SEL1L: variants seen among roughly 807,000 people sequenced by gnomAD.
SEL1L encodes protein sel-1 homolog 1.
A neutral mutation model predicts 109.8 loss-of-function variants in SEL1L; 52 were observed. The ratio of observed to expected loss-of-function variants is 0.47; its 90% confidence interval spans 0.38 to 0.60. The LOEUF is 0.60. Ranked by LOEUF, SEL1L falls within the 20% of genes least tolerant of loss-of-function variation. The pLI is 0.00. For synonymous variants in SEL1L, 373 were observed against 339.6 expected (o/e 1.10, Z -1.08); for missense variants, 749 against 962.2 (o/e 0.78, Z 2.93).
intron 3 of SEL1L, among the ~76,000 whole-genome samples, chr14:81,518,508 A>G (rs1884788242): frequency 6.6e-6 from 1 of 151,430 alleles, no homozygotes; most frequent in Admixed American, 6.6e-5. Context: ...AAAAATATAA[A>G]AATTAGCTGG....
intron 3 of SEL1L, among the ~76,000 whole-genome samples, chr14:81,506,703 G>A (rs777238068): frequency 1.3e-5 from 2 of 152,022 alleles, no homozygotes; most frequent in East Asian, 1.9e-4. Context: ...GCAATCCTGT[G>A]GCATTTTATT....
At chr14:81,515,248 T>C (rs1884654477) in intron 3 of SEL1L, among the ~76,000 whole-genome samples, 1 of 152,190 alleles carries the variant, frequency 6.6e-6, no homozygotes, top group Non-Finnish European at 1.5e-5. Context: ...CTCTCTGATT[T>C]AAAGCAGATC....
intron 5 of SEL1L, 120 bp downstream of exon 5, chr14:81,504,081 T>C (rs980817213): frequency 5.7e-6 from 3 of 524,206 alleles, no homozygotes; most frequent in Admixed American, 3.9e-5. Flanking sequence ...CATTTTTTTG[T>C]AATGGAACTT....
At chr14:81,489,585 C>A (rs187491288) in intron 13 of SEL1L, among the ~76,000 whole-genome samples, 24 of 152,140 alleles carry the variant, frequency 1.6e-4, no homozygotes, top group Non-Finnish European at 2.9e-4. Flanking sequence ...CCATCTGTAC[C>A]ATGAATTTAT....
intron 1 of SEL1L, among the ~76,000 whole-genome samples, chr14:81,530,259 A>C (rs1318161262): frequency 6.6e-6 from 1 of 152,228 alleles, no homozygotes; most frequent in Non-Finnish European, 1.5e-5. Flanking sequence ...TACAGATCCT[A>C]AGATACTCTC....
At chr14:81,491,908 TAGCAAAAAACCGC>T (rs1883551169) in intron 12 of SEL1L, among the ~76,000 whole-genome samples, 1 of 151,862 alleles carries the variant, frequency 6.6e-6, no homozygotes, top group Non-Finnish European at 1.5e-5. Context: ...GTGAGAGTCT[TAGCAAAAAACCGC>T]ACAGCATCAA....
In SEL1L at chr14:81,489,181, A is replaced by T. The variant is rs2139996730; in HGVS notation, c.1395+71T>A. Reference sequence around the variant, plus strand: ...GCCCCACCTGGGCTGACTGGAAGCTAATTAAGGAACATGTCCCTACCTCTC... The same window carrying T: ...GCCCCACCTGGGCTGACTGGAAGCTTATTAAGGAACATGTCCCTACCTCTC... On this transcript the variant is annotated intron_variant, in intron 14 of 20. Coordinates refer to ENST00000336735, the MANE Select transcript of SEL1L (RefSeq NM_005065.6). 3 of 1,351,390 alleles carry T rather than the reference A, an allele frequency of 2.2e-6. No homozygotes were observed. In the East Asian group the frequency reaches 6.9e-5, roughly 31 times the overall value. 83.7% of individuals were successfully genotyped at this position (1,351,390 alleles called of 1,614,324 possible). A position where few individuals can be genotyped will look rare whatever the true frequency, so the allele number is the denominator to read the frequency against.
chr14:81,527,607 CA>C, intron 2 of SEL1L, 93 bp downstream of exon 2: 1 of 804,176 alleles, frequency 1.2e-6, no homozygotes, highest in South Asian at 2.4e-5. Context: ...AACTGTTACT[CA>C]AAAGTTGCAG....
At chr14:81,497,358 C>A (rs994461512) in intron 10 of SEL1L, among the ~76,000 whole-genome samples, 3 of 152,170 alleles carry the variant, frequency 2.0e-5, no homozygotes, top group East Asian at 1.9e-4. Flanking sequence ...AAAGAAGCCA[C>A]GAAACCTGTG....
In SEL1L at chr14:81,512,618, G is replaced by A. The variant is rs907387855; in HGVS notation, c.341-6377C>T. Among the ~76,000 whole-genome samples, 7 of 152,328 alleles carry A rather than the reference G, an allele frequency of 4.6e-5. No individual in the cohort carries two copies. In the South Asian group the frequency reaches 1.0e-3, roughly 23 times the overall value. On this transcript the variant is annotated intron_variant, in intron 3 of 20. Transcript: ENST00000336735. ...TACTGAGGAGCTGAACAGGAAGAAA[G>A]GGAGAGCTGGAGTCTCTGATGGCAC... is the stretch of plus-strand genomic sequence containing the variant.
At chr14:81,503,323 T>G (rs1207073421) in intron 5 of SEL1L, among the ~76,000 whole-genome samples, 1 of 152,202 alleles carries the variant, frequency 6.6e-6, no homozygotes, top group Non-Finnish European at 1.5e-5. Flanking sequence ...TACTTATACA[T>G]GTAAAAAACA....
intron 1 of SEL1L, 105 bp from the exon 2 acceptor site, chr14:81,527,843 GATAA>G (rs1342816113): frequency 2.5e-5 from 17 of 688,074 alleles, no homozygotes; most frequent in South Asian, 8.8e-5. Flanking sequence ...TCAAACATTG[GATAA>G]ATAAACATAG....
Position 81,487,533 on chromosome 14 carries a change from T to C in SEL1L, c.1489A>G (p.Ile497Val). ...TGTTTATAATCTCTCTTGACTCCAA[T>C]GCCATCTGTAAGAAAAAAAAAAATC... The part of the protein sequence containing the change: ...LQLGSMYYNG[I>V]GVKRDYKQAL... Residue 497 changes from isoleucine to valine, a missense_variant, in exon 16 of 21, where the codon ATT (isoleucine) becomes GTT (valine). By Grantham distance (29) the Ile-to-Val change is conservative (BLOSUM62 3). Transcript: ENST00000336735. 1.3e-6 allele frequency: 2 copies of C among 1,593,212 alleles called. No individual in the cohort carries two copies. Among genetic ancestry groups the C allele is most frequent in the Non-Finnish European group, 1.7e-6 (2 of 1,175,684 alleles).
chr14:81,509,421 C>T (rs1311666997), intron 3 of SEL1L, among the ~76,000 whole-genome samples: 1 of 152,174 alleles, frequency 6.6e-6, no homozygotes, highest in Non-Finnish European at 1.5e-5. Flanking sequence ...AATGGGTTCT[C>T]AGTTCTGCAG....
At position 81,516,847 on chromosome 14, in the gene SEL1L, T is replaced by G. The variant is rs149302795; in HGVS notation, c.340+9886A>C. ...CATCAGTTCTGAGGGAGAGGACCCT[T>G]GGAAGCTTCTACCTTGTTTCCTCCA... On this transcript the variant is annotated intron_variant, in intron 3 of 20. Coordinates refer to ENST00000336735, the MANE Select transcript of SEL1L (RefSeq NM_005065.6). Among the ~76,000 whole-genome samples, 777 of 152,284 alleles carry G rather than the reference T, an allele frequency of 5.1e-3. 8 individuals carry two copies. The highest frequency in any genetic ancestry group is 0.017 in the African/African-American group (725 of 41,564).
intron 20 of SEL1L, 132 bp from the exon 21 acceptor site, chr14:81,477,313 G>GTA: frequency 3.2e-6 from 2 of 623,636 alleles, no homozygotes; most frequent in Non-Finnish European, 5.5e-6. Flanking sequence ...ATGTGTGTGT[G>GTA]TGTGTGTGTG....
At position 81,495,149 on chromosome 14, in the gene SEL1L, C is replaced by T. The variant is rs1390592607; in HGVS notation, c.1129-12G>A. On this transcript the variant is annotated splice_polypyrimidine_tract_variant and intron_variant, in intron 10 of 20. Transcript: ENST00000336735. ...TGTCCAAGACCAACCTGAAAATGATCACAAACAAGGCAAAAGTAAGTGGTA... is the reference window on the plus strand; with the variant it reads ...TGTCCAAGACCAACCTGAAAATGATTACAAACAAGGCAAAAGTAAGTGGTA... 2 of 1,613,548 alleles carry T rather than the reference C, an allele frequency of 1.2e-6. No individual in the cohort carries two copies. The highest frequency in any genetic ancestry group is 1.7e-6 in the Non-Finnish European group (2 of 1,179,718).
Position 81,484,325 on chromosome 14 carries a change from G to A in SEL1L, c.1946C>T (p.Thr649Ile), listed in dbSNP as rs777403099. ...AGCCAGACGGTAATGAATAAATGCA[G>A]TTTCATAATCTACATCGGTGCCAAA... The part of the protein sequence containing the change: ...YGFGTDVDYE[T>I]AFIHYRLASE... Residue 649 changes from threonine to isoleucine, a missense_variant, in exon 19 of 21, where the codon ACT becomes ATT. Thr to Ile is a moderately conservative substitution (Grantham distance 89). Around this residue, in one of 2 missense-constraint regions of SEL1L, gnomAD observed 383 missense variants for 562.5 expected, o/e 0.68. Transcript: ENST00000336735. 17 of 1,613,960 alleles carry A rather than the reference G, an allele frequency of 1.1e-5. No homozygotes were observed. Among genetic ancestry groups the A allele is most frequent in the Non-Finnish European group, 1.4e-5 (16 of 1,179,986 alleles).
intron 10 of SEL1L, among the ~76,000 whole-genome samples, chr14:81,497,475 C>T (rs77919505): frequency 0.078 from 11,835 of 152,226 alleles, 1,449 homozygotes; most frequent in African/African-American, 0.26. Flanking sequence ...CAAAGAAACA[C>T]GAATGGTAAA....
Sources: allele counts gnomAD v4.1 joint callset (sites outside exome capture counted in the v4.1 genomes callset), GRCh38; gene constraint gnomAD v4.1.1; regional missense constraint gnomAD v4.1.1; transcripts MANE v1.5; gene names NCBI Gene and HGNC (gene_info 2026-07-23, HGNC 2026-07-21).